The following ARFGEF2 variants were observed in gnomAD, a reference collection of about 807,000 sequenced individuals.
ARFGEF2 encodes brefeldin A-inhibited guanine nucleotide-exchange protein 2.
ARFGEF2 carries 74 observed loss-of-function variants against 219.9 expected under a neutral mutation model. The ratio of observed to expected loss-of-function variants is 0.34; its 90% CI spans 0.28 to 0.41. The LOEUF (loss-of-function observed/expected upper bound fraction) is 0.41. Ranked by LOEUF, ARFGEF2 falls within the 10% of genes least tolerant of loss-of-function variation. The pLI, the probability that ARFGEF2 is intolerant of heterozygous loss-of-function variation, is 1.00. For missense variants in ARFGEF2, 1,743 were observed against 2,218.3 expected (o/e 0.79, Z 4.30); for synonymous variants, 733 against 799.2 (o/e 0.92, Z 1.40).
At chr20:48,944,553 C>T (rs1303595006) in intron 3 of ARFGEF2, among the ~76,000 whole-genome samples, 4 of 152,116 alleles carry the variant, frequency 2.6e-5, no homozygotes, top group Non-Finnish European at 5.9e-5. Context: ...TGATTCTCCC[C>T]GGGCTCAAGT....
intron 1 of ARFGEF2, among the ~76,000 whole-genome samples, chr20:48,928,602 C>T (rs566429150): frequency 1.3e-5 from 2 of 151,024 alleles, no homozygotes; most frequent in Admixed American, 6.7e-5. Context: ...TCACGCCATT[C>T]TCCTGCCTCA....
chr20:48,978,911 A>C (rs371464365), intron 14 of ARFGEF2, among the ~76,000 whole-genome samples: 6 of 152,208 alleles, frequency 3.9e-5, no homozygotes, highest in African/African-American at 7.2e-5. Context: ...CAATCATGTC[A>C]TCTGCAAACA....
intron 14 of ARFGEF2, among the ~76,000 whole-genome samples, chr20:48,982,485 G>A (rs1034607622): frequency 1.3e-5 from 2 of 152,222 alleles, no homozygotes; most frequent in African/African-American, 4.8e-5. Flanking sequence ...GAGGCAGGCT[G>A]TTCTCAGAGC....
chr20:49,019,075 A>T, intron 34 of ARFGEF2, 77 bp downstream of exon 34: 1 of 1,223,812 alleles, frequency 8.2e-7, no homozygotes, highest in South Asian at 1.3e-5. Context: ...ACAAAAGGGT[A>T]AACATGATAA....
At chr20:48,934,106 T>G (rs1600586680) in intron 1 of ARFGEF2, among the ~76,000 whole-genome samples, 2 of 103,966 alleles carry the variant, frequency 1.9e-5, no homozygotes, top group South Asian at 3.1e-4. Flanking sequence ...GGCAACAGAG[T>G]GGGACTTCAT....
At position 49,022,433 on chromosome 20, in the gene ARFGEF2, AAAAAAAAAC is replaced by A. The variant is rs1328377170; in HGVS notation, c.4625-617_4625-609del. On this transcript the variant is annotated intron_variant, in intron 34 of 38. Coordinates refer to ENST00000371917, the MANE Select transcript of ARFGEF2 (RefSeq NM_006420.3). Reference sequence around the variant, plus strand: ...AAAAAACAACAACAACAACAACAAAAAAAAAAAACCCACAAGCTTCTGGCCTCTTCAGAG... The same window carrying A: ...AAAAAACAACAACAACAACAACAAAACCACAAGCTTCTGGCCTCTTCAGAG... Among the ~76,000 whole-genome samples, 6 of 124,404 alleles carry A rather than the reference AAAAAAAAAC, an allele frequency of 4.8e-5. No homozygotes were observed. In the East Asian group the frequency reaches 6.3e-4, roughly 13 times the overall value. The allele number at this position is 124,404 out of a possible 152,430, so 81.6% of individuals were successfully genotyped here.
chr20:49,012,095 C>G lies in ARFGEF2; in HGVS notation c.3918+11C>G. Reference sequence around the variant, plus strand: ...TCTGAGAGGCCTCGGGTTCGTTTTTCCCCACCTTACTCAGATGGGCAGTGA... The same window carrying G: ...TCTGAGAGGCCTCGGGTTCGTTTTTGCCCACCTTACTCAGATGGGCAGTGA... On this transcript the variant is annotated intron_variant, in intron 28 of 38. Transcript: ENST00000371917. The G allele has an allele frequency of 6.2e-7, 1 of 1,614,124 alleles. No individual in the cohort carries two copies. Among genetic ancestry groups the G allele is most frequent in the Non-Finnish European group, 8.5e-7 (1 of 1,179,994 alleles).
At chr20:48,978,261 CA>C (rs2091274724) in intron 14 of ARFGEF2, among the ~76,000 whole-genome samples, 1 of 152,128 alleles carries the variant, frequency 6.6e-6, no homozygotes, top group Non-Finnish European at 1.5e-5. Context: ...TTGTTTTTGT[CA>C]GGTTTGTCAA....
At chr20:48,941,049 A>C (rs546860678) in intron 1 of ARFGEF2, 150 bp from the exon 2 acceptor site, 1 of 723,642 alleles carries the variant, frequency 1.4e-6, no homozygotes, top group African/African-American at 1.8e-5. Context: ...TATTGCTGTT[A>C]CAATTATTTC....
In ARFGEF2 at chr20:49,023,174, C is replaced by T. The variant is rs749883196; in HGVS notation, c.4748C>T (p.Ala1583Val). Reference sequence around the variant, plus strand: ...AAGGAGGATGCAGAGCACATGGTTGCCGCCCAGGTAAGAACAGGAGGCCTC... The same window carrying T: ...AAGGAGGATGCAGAGCACATGGTTGTCGCCCAGGTAAGAACAGGAGGCCTC... Reference protein sequence around the residue: ...SKKEDAEHMVAAQQDTLDADI... With the variant: ...SKKEDAEHMVVAQQDTLDADI... The change falls in exon 35 of 39, where the codon GCC (alanine) becomes GTC (valine). Residue 1583 changes from alanine to valine, a missense_variant. Physicochemically the swap from Ala to Val is moderately conservative, Grantham distance 64 (BLOSUM62 0). Transcript: ENST00000371917. The T allele has an allele frequency of 6.2e-7, 1 of 1,614,100 alleles. No individual in the cohort carries two copies. The highest frequency in any genetic ancestry group is 1.1e-5 in the South Asian group (1 of 91,078).
At chr20:48,941,744 C>T in intron 2 of ARFGEF2, 120 bp from the exon 3 acceptor site, 1 of 1,472,114 alleles carries the variant, frequency 6.8e-7, no homozygotes, top group Non-Finnish European at 9.4e-7. Flanking sequence ...CTTTTAATGC[C>T]TAGCCCCAGG....
chr20:49,017,469 AT>A (rs11086275), intron 32 of ARFGEF2, 26 bp from the exon 33 acceptor site: 2 of 1,612,008 alleles, frequency 1.2e-6, no homozygotes, highest in African/African-American at 1.3e-5. Context: ...CACATTGATT[AT>A]TTTTTTTCTC....
intron 2 of ARFGEF2, 36 bp downstream of exon 2, chr20:48,941,265 C>T: frequency 6.2e-7 from 1 of 1,607,664 alleles, no homozygotes; most frequent in Non-Finnish European, 8.5e-7. Context: ...TGAGATACGG[C>T]ATGAAGGGAG....
chr20:49,011,831 ATGTGTG>A (rs147351722), intron 27 of ARFGEF2, 87 bp from the exon 28 acceptor site: 44 of 1,112,476 alleles, frequency 4.0e-5, no homozygotes, highest in Admixed American at 1.3e-4. Context: ...TCTCTGATGT[ATGTGTG>A]TGTGTGTGTG....
At chr20:48,991,771 C>CT (rs907214246) in intron 21 of ARFGEF2, among the ~76,000 whole-genome samples, 9 of 152,082 alleles carry the variant, frequency 5.9e-5, no homozygotes, top group African/African-American at 1.4e-4. Flanking sequence ...GAGATTGCTA[C>CT]TTTTTTTAAA....
chr20:48,921,965 C>G lies in ARFGEF2; in HGVS notation c.76C>G (p.Arg26Gly), dbSNP rs1291455096. Reference sequence around the variant, plus strand: ...GATCCTAGCCGACAAGGAGGTGAAGCGGCCCCAGCACTCCCAGCTGCGCAG... The same window carrying G: ...GATCCTAGCCGACAAGGAGGTGAAGGGGCCCCAGCACTCCCAGCTGCGCAG... ...EKILADKEVKRPQHSQLRRAC... is the reference protein window; with the variant it reads ...EKILADKEVKGPQHSQLRRAC... The change falls in exon 1 of 39, where the codon CGG becomes GGG. Residue 26 changes from arginine (R) to glycine (G), a missense_variant. By Grantham distance (125) the Arg-to-Gly change is moderately radical. Transcript: ENST00000371917. 1.3e-6 allele frequency: 2 copies of G among 1,575,988 alleles called. No individual in the cohort carries two copies. The highest frequency in any genetic ancestry group is 1.7e-6 in the Non-Finnish European group (2 of 1,161,268).
intron 1 of ARFGEF2, among the ~76,000 whole-genome samples, chr20:48,928,192 C>CTTTT (rs747462352): frequency 6.3e-4 from 66 of 104,746 alleles, no homozygotes; most frequent in Non-Finnish European, 7.4e-4. Flanking sequence ...GTGTTGCAAT[C>CTTTT]TTTTTTTTTT....
At position 49,025,953 on chromosome 20, in the gene ARFGEF2, G is replaced by C. The variant is rs184978474; in HGVS notation, c.4924+472G>C. ...GCCGAGATTGCGCCACTGCACTCCAGCCTGAGTGACAGAGCAAGACTCCAT... is the reference window on the plus strand; with the variant it reads ...GCCGAGATTGCGCCACTGCACTCCACCCTGAGTGACAGAGCAAGACTCCAT... On this transcript the variant is annotated intron_variant, in intron 36 of 38. Coordinates refer to ENST00000371917, the MANE Select transcript of ARFGEF2 (RefSeq NM_006420.3). Among the ~76,000 whole-genome samples, 357 of 149,372 alleles carry C rather than the reference G, an allele frequency of 2.4e-3. 1 individual carries two copies. Among genetic ancestry groups the C allele is most frequent in the African/African-American group, 8.1e-3 (329 of 40,754 alleles).
chr20:49,021,245 A>G (rs981013219), intron 34 of ARFGEF2, among the ~76,000 whole-genome samples: 28 of 151,834 alleles, frequency 1.8e-4, no homozygotes, highest in Non-Finnish European at 3.4e-4. Context: ...CTAAGAAGAA[A>G]AAAAAAATTT....
Sources: gnomAD v4.1 joint callset for allele counts (sites outside exome capture counted in the v4.1 genomes callset) on GRCh38, gnomAD v4.1.1 for gene constraint, MANE v1.5 for transcripts, NCBI Gene and HGNC (gene_info 2026-07-23, HGNC 2026-07-21) for gene names.